The following SLCO1B1 variants were observed in gnomAD, a reference collection of about 807,000 sequenced individuals.
SLCO1B1 encodes OATP-2.
Under a neutral mutation model 70.1 loss-of-function variants are expected in SLCO1B1, and 81 were observed. That is an observed-to-expected ratio of 1.16 (90% CI 0.97 to 1.39). The LOEUF (loss-of-function observed/expected upper bound fraction) is 1.39. Ranked by LOEUF, SLCO1B1 falls within the 40% of genes most tolerant of loss-of-function variation. The pLI is 0.00. For synonymous variants in SLCO1B1, 283 were observed against 271.5 expected (o/e 1.04, Z -0.42); for missense variants, 895 against 799.6 (o/e 1.12, Z -1.44).
intron 2 of SLCO1B1, among the ~76,000 whole-genome samples, chr12:21,146,237 T>A (rs1236525880): frequency 6.6e-6 from 1 of 152,058 alleles, no homozygotes. Context: ...GTAGGCAGAG[T>A]GTTGCTTATA....
At chr12:21,236,185 T>C (rs1941594392) in intron 14 of SLCO1B1, among the ~76,000 whole-genome samples, 1 of 152,132 alleles carries the variant, frequency 6.6e-6, no homozygotes, top group South Asian at 2.1e-4. Flanking sequence ...CCTTCAGTAA[T>C]TGGTGCTGTG....
intron 8 of SLCO1B1, among the ~76,000 whole-genome samples, chr12:21,200,229 A>C (rs2121145397): frequency 6.6e-6 from 1 of 152,338 alleles, no homozygotes; most frequent in African/African-American, 2.4e-5. Flanking sequence ...GGATAACCAA[A>C]TATTAAGTGA....
chr12:21,189,701 G>A (rs1052824424), intron 7 of SLCO1B1, among the ~76,000 whole-genome samples: 1 of 152,022 alleles, frequency 6.6e-6, no homozygotes. Flanking sequence ...ATTTGTCTTG[G>A]CCTCCCAAAG....
intron 11 of SLCO1B1, among the ~76,000 whole-genome samples, chr12:21,216,465 A>T (rs1941358637): frequency 6.6e-6 from 1 of 152,180 alleles, no homozygotes; most frequent in Non-Finnish European, 1.5e-5. Flanking sequence ...TGTTCAACTG[A>T]TTAAAAATCT....
intron 7 of SLCO1B1, among the ~76,000 whole-genome samples, chr12:21,186,195 A>G (rs1940959870): frequency 6.6e-6 from 1 of 152,096 alleles, no homozygotes; most frequent in Non-Finnish European, 1.5e-5. Context: ...TATGTACCTC[A>G]TATTATCTCA....
chr12:21,201,651 CA>C (rs1941159418), intron 9 of SLCO1B1, among the ~76,000 whole-genome samples: 1 of 152,076 alleles, frequency 6.6e-6, no homozygotes, highest in African/African-American at 2.4e-5. Context: ...CTGAGAGAGG[CA>C]AAAGGCTTTA....
intron 1 of SLCO1B1, 105 bp from the exon 2 acceptor site, chr12:21,141,409 A>G: frequency 2.0e-6 from 1 of 496,152 alleles, no homozygotes; most frequent in South Asian, 2.1e-5. Context: ...CCCTGAGTGA[A>G]TGTTAGTGAA....
At chr12:21,138,568 C>T (rs1940261660) in intron 1 of SLCO1B1, among the ~76,000 whole-genome samples, 1 of 152,046 alleles carries the variant, frequency 6.6e-6, no homozygotes, top group South Asian at 2.1e-4. Context: ...AACAAAGTGT[C>T]CACCTTTTTT....
chr12:21,184,796 C>G (rs1940945167), intron 7 of SLCO1B1, among the ~76,000 whole-genome samples: 1 of 152,026 alleles, frequency 6.6e-6, no homozygotes, highest in Non-Finnish European at 1.5e-5. Flanking sequence ...CTAAATGCCC[C>G]AAGTAAAAGA....
At chr12:21,203,346 T>G (rs1941178917) in intron 10 of SLCO1B1, among the ~76,000 whole-genome samples, 1 of 152,120 alleles carries the variant, frequency 6.6e-6, no homozygotes, top group South Asian at 2.1e-4. Context: ...AGCAAAGTAT[T>G]TTTAGTGCAA....
At chr12:21,196,854 A>G in intron 7 of SLCO1B1, 92 bp from the exon 8 acceptor site, 1 of 1,299,470 alleles carries the variant, frequency 7.7e-7, no homozygotes, top group Non-Finnish European at 1.1e-6. Flanking sequence ...GGAATTGAGG[A>G]AATGTAGTTT....
At chr12:21,219,892 G>A (rs1178452540) in intron 12 of SLCO1B1, among the ~76,000 whole-genome samples, 2 of 152,090 alleles carry the variant, frequency 1.3e-5, no homozygotes, top group East Asian at 3.9e-4. Flanking sequence ...CTCCTAAGTA[G>A]CTGGAATTAC....
chr12:21,204,254 C>T (rs966966935), intron 10 of SLCO1B1, among the ~76,000 whole-genome samples: 1 of 151,724 alleles, frequency 6.6e-6, no homozygotes, highest in African/African-American at 2.4e-5. Flanking sequence ...TATAATAATA[C>T]TAAGACATTA....
At chr12:21,214,180 C>A (rs1046298612) in intron 11 of SLCO1B1, among the ~76,000 whole-genome samples, 1 of 152,082 alleles carries the variant, frequency 6.6e-6, no homozygotes, top group Non-Finnish European at 1.5e-5. Flanking sequence ...GTTTTTTCCC[C>A]ATCTTTGTGG....
chr12:21,214,082 C>T (rs964215576), intron 11 of SLCO1B1, among the ~76,000 whole-genome samples: 2 of 152,212 alleles, frequency 1.3e-5, no homozygotes, highest in African/African-American at 4.8e-5. Context: ...ATTCTCCATC[C>T]AGCTTTGTTC....
In SLCO1B1 at chr12:21,163,376, G is replaced by A. The variant is rs575300266; in HGVS notation, c.85-9274G>A. On this transcript the variant is annotated intron_variant, in intron 2 of 14. Transcript: ENST00000256958. ...TACCATCTATGACTTAGTATTGATTGATTGTCATCTTTCATGTTCTTCATA... is the reference window on the plus strand; with the variant it reads ...TACCATCTATGACTTAGTATTGATTAATTGTCATCTTTCATGTTCTTCATA... 1.3e-5 allele frequency among the ~76,000 whole-genome samples: 2 copies of A among 152,218 alleles called. 1 individual carries two copies. The highest frequency in any genetic ancestry group is 4.1e-4 in the South Asian group (2 of 4,824).
chr12:21,209,817 G>C (rs966457657), intron 11 of SLCO1B1, among the ~76,000 whole-genome samples: 2 of 151,880 alleles, frequency 1.3e-5, no homozygotes, highest in African/African-American at 4.8e-5. Flanking sequence ...CAGTGATGAT[G>C]AGCATTTTTT....
intron 14 of SLCO1B1, among the ~76,000 whole-genome samples, chr12:21,234,329 G>A (rs1941574105): frequency 1.3e-5 from 2 of 152,136 alleles, no homozygotes; most frequent in South Asian, 4.1e-4. Context: ...TTGATCTTAG[G>A]TTTTACAATA....
chr12:21,167,993 T>C (rs1427973884), intron 2 of SLCO1B1, among the ~76,000 whole-genome samples: 5 of 151,274 alleles, frequency 3.3e-5, no homozygotes, highest in Non-Finnish European at 7.4e-5. Flanking sequence ...ATTTTTTTTT[T>C]TGTATTTTTA....
Sources: gnomAD v4.1 joint callset for allele counts (sites outside exome capture counted in the v4.1 genomes callset) on GRCh38, gnomAD v4.1.1 for gene constraint, MANE v1.5 for transcripts, NCBI Gene and HGNC (gene_info 2026-07-23, HGNC 2026-07-21) for gene names.